The following ACAD11 variants were observed in gnomAD, a reference collection of about 807,000 sequenced individuals.
ACAD11 encodes acyl-Coenzyme A dehydrogenase family, member 11.
A neutral mutation model predicts 102.2 loss-of-function variants in ACAD11; 83 were observed. The observed-to-expected ratio is 0.81, with a 90% CI of 0.68 to 0.97. The LOEUF (loss-of-function observed/expected upper bound fraction) is 0.97. Ranked by LOEUF, ACAD11 falls within the 50% of genes least tolerant of loss-of-function variation. ACAD11 has a pLI of 0.00. For missense variants in ACAD11, 901 were observed against 951.7 expected (o/e 0.95, Z 0.70); for synonymous variants, 324 against 319.8 (o/e 1.01, Z -0.14).
chr3:132,566,799 A>G (rs1388067672), intron 17 of ACAD11, among the ~76,000 whole-genome samples: 1 of 152,196 alleles, frequency 6.6e-6, no homozygotes, highest in Non-Finnish European at 1.5e-5. Context: ...AAAGAAAAAG[A>G]TAAAAGAAGA....
At position 132,559,015 on chromosome 3, in the gene ACAD11, T is replaced by C. The variant is rs1356158033; in HGVS notation, c.2299A>G (p.Met767Val). ...CTTTTGGCTTGGTCCCGCAGCTCCATTGTTGCGATTGCTGAAAGATGAACT... is the reference window on the plus strand; with the variant it reads ...CTTTTGGCTTGGTCCCGCAGCTCCACTGTTGCGATTGCTGAAAGATGAACT... ...DEVHLSAIATMELRDQAKRLT... is the reference protein window; with the variant it reads ...DEVHLSAIATVELRDQAKRLT... Residue 767 changes from methionine (M) to valine (V), a missense_variant, in exon 20 of 20, where the codon ATG (methionine) becomes GTG (valine). By Grantham distance (21) the Met-to-Val change is conservative. Coordinates refer to ENST00000264990, the MANE Select transcript of ACAD11 (RefSeq NM_032169.5). 1.1e-5 allele frequency: 17 copies of C among 1,613,710 alleles called. No individual in the cohort carries two copies. In the Admixed American group the frequency reaches 2.5e-4, roughly 24 times the overall value.
intron 7 of ACAD11, 132 bp from the exon 8 acceptor site, chr3:132,628,578 G>A (rs1469444018): frequency 1.9e-5 from 11 of 573,180 alleles, no homozygotes; most frequent in Non-Finnish European, 3.3e-5. Flanking sequence ...GACTATCGAC[G>A]ATATTAATGT....
intron 17 of ACAD11, 109 bp downstream of exon 17, chr3:132,575,662 GA>G: frequency 1.5e-6 from 2 of 1,327,360 alleles, no homozygotes; most frequent in Non-Finnish European, 2.1e-6. Flanking sequence ...TTATTGAAAA[GA>G]ATCACCCGGT....
At chr3:132,596,768 G>A (rs1458425460) in intron 13 of ACAD11, among the ~76,000 whole-genome samples, 1 of 152,150 alleles carries the variant, frequency 6.6e-6, no homozygotes, top group Non-Finnish European at 1.5e-5. Flanking sequence ...GTGAAGCCAG[G>A]AAGACTCTAG....
chr3:132,630,676 C>CA (rs1269452655), intron 6 of ACAD11, 118 bp from the exon 7 acceptor site: 3 of 773,404 alleles, frequency 3.9e-6, no homozygotes, highest in Non-Finnish European at 5.8e-6. Context: ...GCCCTTACAA[C>CA]AAAACATGTT....
chr3:132,566,102 GC>G (rs1156979048), intron 17 of ACAD11, among the ~76,000 whole-genome samples: 1 of 151,922 alleles, frequency 6.6e-6, no homozygotes, highest in African/African-American at 2.4e-5. Context: ...AAAATAGAAA[GC>G]CTCAGCAAAG....
At chr3:132,649,017 C>T (rs1940822153) in intron 1 of ACAD11, among the ~76,000 whole-genome samples, 1 of 152,208 alleles carries the variant, frequency 6.6e-6, no homozygotes, top group African/African-American at 2.4e-5. Context: ...AAAATGTTTA[C>T]AGGCAGGCAG....
chr3:132,567,326 G>A (rs1937241447), intron 17 of ACAD11, among the ~76,000 whole-genome samples: 1 of 151,972 alleles, frequency 6.6e-6, no homozygotes, highest in African/African-American at 2.4e-5. Context: ...CTTAAAGGAA[G>A]GTAAAATGTC....
At chr3:132,590,489 C>T (rs1237583948) in intron 13 of ACAD11, among the ~76,000 whole-genome samples, 1 of 152,142 alleles carries the variant, frequency 6.6e-6, no homozygotes, top group Non-Finnish European at 1.5e-5. Context: ...TCAAGTGATC[C>T]TCCCGCCTTA....
chr3:132,577,140 A>T (rs773457536), intron 15 of ACAD11, 125 bp from the exon 16 acceptor site: 1 of 655,530 alleles, frequency 1.5e-6, no homozygotes, highest in Non-Finnish European at 2.6e-6. Flanking sequence ...TGGCATGAAC[A>T]TTCTGAGGTA....
intron 17 of ACAD11, among the ~76,000 whole-genome samples, chr3:132,569,399 A>G (rs1289157755): frequency 6.6e-6 from 1 of 152,184 alleles, no homozygotes; most frequent in Non-Finnish European, 1.5e-5. Context: ...TCAAAAATAG[A>G]AAAGCTCAGC....
chr3:132,604,537 C>T (rs1938755244), intron 12 of ACAD11, among the ~76,000 whole-genome samples: 1 of 152,106 alleles, frequency 6.6e-6, no homozygotes, highest in Non-Finnish European at 1.5e-5. Context: ...TGGTATAATT[C>T]TAAACTAAAT....
intron 1 of ACAD11, among the ~76,000 whole-genome samples, chr3:132,653,805 G>T (rs558743938): frequency 2.0e-5 from 3 of 152,132 alleles, no homozygotes; most frequent in African/African-American, 7.2e-5. Flanking sequence ...CTCTTAATTT[G>T]CTAACTTCTT....
chr3:132,626,161 A>T (rs973776032), intron 9 of ACAD11, among the ~76,000 whole-genome samples: 1 of 152,196 alleles, frequency 6.6e-6, no homozygotes, highest in African/African-American at 2.4e-5. Flanking sequence ...CCAGGTGCCT[A>T]AGCATCATCA....
intron 3 of ACAD11, 99 bp from the exon 4 acceptor site, chr3:132,642,232 G>A (rs188963839): frequency 8.8e-7 from 1 of 1,134,450 alleles, no homozygotes; most frequent in Non-Finnish European, 1.2e-6. Context: ...TTTAATATTA[G>A]AGTATACATG....
At chr3:132,617,339 T>C (rs2107845158) in intron 11 of ACAD11, among the ~76,000 whole-genome samples, 1 of 152,302 alleles carries the variant, frequency 6.6e-6, no homozygotes, top group South Asian at 2.1e-4. Context: ...GTTTTGAAGA[T>C]ACCTCCTATA....
intron 11 of ACAD11, among the ~76,000 whole-genome samples, chr3:132,615,520 T>G (rs539891010): frequency 6.6e-5 from 10 of 152,310 alleles, no homozygotes; most frequent in African/African-American, 2.4e-4. Flanking sequence ...GTTCCTGTTC[T>G]TTGCAGGGAC....
Position 132,558,931 on chromosome 3 carries a change from G to A in ACAD11, c.*40C>T. 6.8e-7 allele frequency: 1 copy of A among 1,461,916 alleles called. No homozygotes were observed. The highest frequency in any genetic ancestry group is 9.5e-7 in the Non-Finnish European group (1 of 1,050,362). The allele number at this position is 1,461,916 out of a possible 1,614,324, so 90.6% of individuals were successfully genotyped here. On this transcript the variant is annotated 3_prime_UTR_variant, in exon 20 of 20. Transcript: ENST00000264990. ...TTGGAGCCAATGAAGTTTGTATAAA[G>A]GAGAGTTTCTGCCAGTGGGATGTGG... is the stretch of plus-strand genomic sequence containing the variant.
At chr3:132,624,197 T>G (rs1488865371) in intron 9 of ACAD11, among the ~76,000 whole-genome samples, 2 of 151,400 alleles carry the variant, frequency 1.3e-5, no homozygotes, top group African/African-American at 2.4e-5. Context: ...TCCCAGCTAC[T>G]CAGGAGGCTG....
Sources: allele counts gnomAD v4.1 joint callset (sites outside exome capture counted in the v4.1 genomes callset), GRCh38; gene constraint gnomAD v4.1.1; transcripts MANE v1.5; gene names NCBI Gene and HGNC (gene_info 2026-07-23, HGNC 2026-07-21).